ZMIZ1: variants seen among roughly 807,000 people sequenced by gnomAD.
The protein encoded by ZMIZ1 is zinc finger MIZ-type containing 1, also known as zinc finger MIZ domain-containing protein 1.
ZMIZ1 carries 17 observed loss-of-function variants against 113.9 expected under a neutral mutation model. That is an observed-to-expected ratio of 0.15 (90% CI 0.10 to 0.22). ZMIZ1 has a LOEUF of 0.22. Ranked by LOEUF, ZMIZ1 falls within the 10% of genes least tolerant of loss-of-function variation. The pLI is 1.00. For synonymous variants in ZMIZ1, 607 were observed against 603.1 expected, an observed-to-expected ratio of 1.01 and a Z score of -0.09; for missense variants, 1,059 against 1,477.8, an observed-to-expected ratio of 0.72 and a Z score of 4.65.
At position 79,091,069 on chromosome 10, in the gene ZMIZ1, G is replaced by A. The variant is rs142428743; in HGVS notation, c.-337+21799G>A. On this transcript the variant is annotated intron_variant, in intron 1 of 24. Coordinates refer to ENST00000334512, the MANE Select transcript of ZMIZ1 (RefSeq NM_020338.4). Reference sequence around the variant, plus strand: ...TTGAGCCCAGATGAATTAATCTCTTGCAGCAATTTCAGTCTACCAAGAGAC... The same window carrying A: ...TTGAGCCCAGATGAATTAATCTCTTACAGCAATTTCAGTCTACCAAGAGAC... Among the ~76,000 whole-genome samples, 67 of 152,278 alleles carry A rather than the reference G, an allele frequency of 4.4e-4. No homozygotes were observed. In the East Asian group the frequency reaches 7.1e-3, roughly 16 times the overall value.
rs563953113 is a variant in ZMIZ1, at chr10:79,289,897, C to A, written c.540+8C>A. On this transcript the variant is annotated splice_region_variant and intron_variant, in intron 9 of 24. Transcript: ENST00000334512. ...AACACATCCCAGAGCCAGGTAAGAG[C>A]CTATACTGCCCTCAGCCACAGCTCT... 4.5e-5 allele frequency: 73 copies of A among 1,611,424 alleles called. 1 individual carries two copies. The East Asian group carries it at 6.5e-4, about 14-fold the overall frequency.
chr10:79,279,163 CG>C, intron 8 of ZMIZ1, among the ~76,000 whole-genome samples: 1 of 151,468 alleles, frequency 6.6e-6, no homozygotes, highest in Admixed American at 6.6e-5. Flanking sequence ...CCCGACCTCC[CG>C]GACGGGGCAG....
At chr10:79,144,280 A>G (rs143386935) in intron 3 of ZMIZ1, among the ~76,000 whole-genome samples, 71 of 152,338 alleles carry the variant, frequency 4.7e-4, no homozygotes, top group African/African-American at 1.4e-3. Flanking sequence ...GCATGATGCC[A>G]TAGCTCACAA....
chr10:79,197,524 G>C (rs1847878652), intron 4 of ZMIZ1, among the ~76,000 whole-genome samples: 1 of 151,890 alleles, frequency 6.6e-6, no homozygotes, highest in African/African-American at 2.4e-5. Context: ...GACAAATACA[G>C]CTCCCGCTTG....
rs776531442 is a variant in ZMIZ1 at position 79,296,139 on chromosome 10, C to A, written c.1231-332C>A. The A allele has an allele frequency of 2.8e-5, 10 of 356,290 alleles. No homozygotes were observed. Among genetic ancestry groups the A allele is most frequent in the Non-Finnish European group, 4.7e-5 (9 of 192,604 alleles). The allele number at this position is 356,290 out of a possible 1,614,324, so 22.1% of individuals were successfully genotyped here. A position where few individuals can be genotyped will look rare whatever the true frequency, so the allele number is the denominator to read the frequency against. ...TTGGGGAGCACAGCCCTAACCCAGGCACCAGGAGAGACACAAAGGTCGGGG... is the reference window on the plus strand; with the variant it reads ...TTGGGGAGCACAGCCCTAACCCAGGAACCAGGAGAGACACAAAGGTCGGGG... On this transcript the variant is annotated intron_variant, in intron 12 of 24. Coordinates refer to ENST00000334512, the MANE Select transcript of ZMIZ1 (RefSeq NM_020338.4). This position sits in a 1 kb window ranked among gnomAD's most constrained non-coding sequence, Gnocchi z 4.1.
At chr10:79,311,415 G>T (rs576093707) in intron 24 of ZMIZ1, among the ~76,000 whole-genome samples, 8 of 152,288 alleles carry the variant, frequency 5.3e-5, no homozygotes, top group African/African-American at 1.2e-4. Flanking sequence ...TTTGGCCATA[G>T]CCCTGAACCC....
rs182815409 is a variant in ZMIZ1, at chr10:79,208,508, G to C, written c.174+59G>C. On this transcript the variant is annotated intron_variant, in intron 6 of 24. Transcript: ENST00000334512. ...CCAGGAAGGTCAGCTGAGTGCTAGC[G>C]TGCCTGTCCAGGTTTCAGAGAGGTT... 8.7e-5 allele frequency: 126 copies of C among 1,446,404 alleles called. No homozygotes were observed. The African/African-American group carries it at 1.6e-3, about 18-fold the overall frequency. The allele number at this position is 1,446,404 out of a possible 1,614,324, so 89.6% of individuals were successfully genotyped here. A position where few individuals can be genotyped will look rare whatever the true frequency, so the allele number is the denominator to read the frequency against.
At chr10:79,129,440 G>A (rs965791773) in intron 2 of ZMIZ1, among the ~76,000 whole-genome samples, 52 of 152,318 alleles carry the variant, frequency 3.4e-4, no homozygotes, top group African/African-American at 1.1e-3. Flanking sequence ...TCTTCTTGGC[G>A]CAGGGGCTTG....
chr10:79,138,367 C>T (rs1158472063), intron 2 of ZMIZ1, among the ~76,000 whole-genome samples: 1 of 152,238 alleles, frequency 6.6e-6, no homozygotes, highest in Non-Finnish European at 1.5e-5. Context: ...CCAAAAGGAG[C>T]CTGACCGGAG....
intron 4 of ZMIZ1, among the ~76,000 whole-genome samples, chr10:79,164,388 A>G (rs1330401384): frequency 2.0e-5 from 3 of 152,062 alleles, no homozygotes; most frequent in South Asian, 2.1e-4. Flanking sequence ...CAGTGGCCCC[A>G]TTGATATTCT....
chr10:79,311,304 G>GGGGT, intron 24 of ZMIZ1, 120 bp downstream of exon 24: 2 of 359,152 alleles, frequency 5.6e-6, no homozygotes, highest in East Asian at 7.5e-5. Flanking sequence ...TGGGCGGTGG[G>GGGGT]AGGGCTTCAC....
chr10:79,255,651 T>A (rs1850842297), intron 7 of ZMIZ1, among the ~76,000 whole-genome samples: 1 of 152,190 alleles, frequency 6.6e-6, no homozygotes, highest in Non-Finnish European at 1.5e-5. Context: ...CTCTGCATTC[T>A]GAGCTCATGA....
intron 1 of ZMIZ1, among the ~76,000 whole-genome samples, chr10:79,085,485 G>T (rs545521947): frequency 6.6e-6 from 1 of 152,190 alleles, no homozygotes; most frequent in Non-Finnish European, 1.5e-5. Context: ...CTCAGGTGCC[G>T]TCTGGCCTGC....
At chr10:79,073,516 G>T (rs751187611) in intron 1 of ZMIZ1, among the ~76,000 whole-genome samples, 2 of 152,132 alleles carry the variant, frequency 1.3e-5, no homozygotes, top group Non-Finnish European at 2.9e-5. Flanking sequence ...TCTGCTACAT[G>T]CCTTCTGCAA....
rs577580407 is a variant in ZMIZ1 at position 79,196,200 on chromosome 10, G to T, written c.-49-5384G>T. ...TCACCTGTAGGTGCCTCCATAATCC[G>T]CTAGCCATTTGTTCTTTTATTAAGA... On this transcript the variant is annotated intron_variant, in intron 4 of 24. Transcript: ENST00000334512. Among the ~76,000 whole-genome samples, 6 of 152,218 alleles carry T rather than the reference G, an allele frequency of 3.9e-5. No homozygotes were observed. The South Asian group carries it at 1.2e-3, about 32-fold the overall frequency.
chr10:79,114,212 G>A (rs16936866), intron 1 of ZMIZ1, among the ~76,000 whole-genome samples: 3,494 of 152,340 alleles, frequency 0.023, 174 homozygotes, highest in Admixed American at 0.11. Context: ...GAAACTGCAT[G>A]AATGATTGAT....
chr10:79,134,179 G>A (rs910404649), intron 2 of ZMIZ1, among the ~76,000 whole-genome samples: 5 of 152,180 alleles, frequency 3.3e-5, no homozygotes, highest in African/African-American at 1.2e-4. Context: ...GTCACCAGGA[G>A]CACCAGATGC....
intron 1 of ZMIZ1, among the ~76,000 whole-genome samples, chr10:79,093,925 G>C (rs533001606): frequency 2.6e-5 from 4 of 152,308 alleles, no homozygotes; most frequent in Non-Finnish European, 5.9e-5. Flanking sequence ...TTATCAGCTC[G>C]AGCAAGTCGG....
intron 7 of ZMIZ1, among the ~76,000 whole-genome samples, chr10:79,270,898 G>C (rs1851908709): frequency 6.6e-6 from 1 of 152,194 alleles, no homozygotes; most frequent in South Asian, 2.1e-4. Context: ...CCACTATTGA[G>C]GGGTTGCTGT....
Sources: gnomAD v4.1 joint callset for allele counts (sites outside exome capture counted in the v4.1 genomes callset) on GRCh38, gnomAD v4.1.1 for gene constraint, Gnocchi (gnomAD v3.1) non-coding constraint, MANE v1.5 for transcripts, NCBI Gene and HGNC (gene_info 2026-07-23, HGNC 2026-07-21) for gene names.